Variants in GSS observed in about 807,000 individuals in gnomAD.
GSS encodes the protein glutathione synthetase.
In GSS, 34 loss-of-function variants were observed where a neutral mutation model predicts 60.4. The observed-to-expected ratio is 0.56, with a 90% confidence interval of 0.43 to 0.75. The LOEUF is 0.75. Ranked by LOEUF, GSS falls within the 30% of genes least tolerant of loss-of-function variation. The pLI, the probability that GSS is intolerant of heterozygous loss-of-function variation, is 0.00. For synonymous variants in GSS, 224 were observed against 239.0 expected (o/e 0.94, Z 0.58); for missense variants, 499 against 595.1 (o/e 0.84, Z 1.68).
Position 34,928,865 on chromosome 20 carries a change from G to A in GSS, c.1388C>T (p.Ala463Val), listed in dbSNP as rs549546640. Residue 463 changes from alanine to valine, a missense_variant, in exon 13 of 13, where the codon GCG (alanine) becomes GTG (valine). By Grantham distance (64) the Ala-to-Val change is moderately conservative. Transcript: ENST00000651619. ...AIEHADGGVA[A>V]GVAVLDNPYP... ...TGGGTTGTCCAGGACTGCCACTCCC[G>A]CTGCCACACCACCATCTGCATGCTC... The A allele has an allele frequency of 5.4e-5, 87 of 1,613,948 alleles. No homozygotes were observed. The African/African-American group carries it at 8.5e-4, about 16-fold the overall frequency.
At chr20:34,946,854 T>C (rs572004438) in intron 2 of GSS, 2 of 152,350 alleles carry the variant, frequency 1.3e-5, no homozygotes, top group South Asian at 2.1e-4. Context: ...CTTTGGACTT[T>C]ATCATAGACG....
intron 2 of GSS, among the ~76,000 whole-genome samples, chr20:34,946,960 G>T (rs1328925147): frequency 6.6e-6 from 1 of 152,200 alleles, no homozygotes; most frequent in Non-Finnish European, 1.5e-5. Flanking sequence ...GGTAAGAGAT[G>T]AAAAGAAAAT....
chr20:34,932,074 G>A lies in GSS; in HGVS notation c.894C>T (p.Ala298=). ...CCTTCTTAGTCCCAGCCAGCTGGGT[G>A]GCAATGTCTGGGCACTTGGCAGCAT... ...RSHAAKCPDI[A]TQLAGTKKVQ... is the part of the protein sequence containing the mutation. The change falls in exon 10 of 13, where the codon GCC becomes GCT. Residue 298 remains alanine (A), a synonymous_variant. Coordinates refer to ENST00000651619, the MANE Select transcript of GSS (RefSeq NM_000178.4). 1 of 1,614,036 alleles carries A rather than the reference G, an allele frequency of 6.2e-7. No homozygotes were observed. The highest frequency in any genetic ancestry group is 8.5e-7 in the Non-Finnish European group (1 of 1,179,848).
chr20:34,955,774 A>C lies in GSS; in HGVS notation c.-56T>G, dbSNP rs1046740496. On this transcript the variant is annotated 5_prime_UTR_variant, in exon 1 of 13. Transcript: ENST00000651619. ...CGGTTCTCCCGGCCCTCGCGCCGCT[A>C]CCCAGGCTCAGGGGGCGGGGCCTCG... 2 of 152,088 alleles carry C rather than the reference A, an allele frequency of 1.3e-5. No individual in the cohort carries two copies. Among genetic ancestry groups the C allele is most frequent in the Non-Finnish European group, 2.9e-5 (2 of 68,046 alleles). The allele number at this position is 152,088 out of a possible 1,614,324, so 9.4% of individuals were successfully genotyped here. A position where few individuals can be genotyped will look rare whatever the true frequency, so the allele number is the denominator to read the frequency against.
intron 8 of GSS, 92 bp from the exon 9 acceptor site, chr20:34,935,734 G>T: frequency 9.3e-7 from 1 of 1,077,250 alleles, no homozygotes; most frequent in Non-Finnish European, 1.4e-6. Context: ...AGATGAATTT[G>T]GCTTTTTCAA....
rs2081372367 is a variant in GSS, at chr20:34,928,791, T to C, written c.*37A>G. 6.2e-7 allele frequency: 1 copy of C among 1,613,212 alleles called. No individual in the cohort carries two copies. The highest frequency in any genetic ancestry group is 8.5e-7 in the Non-Finnish European group (1 of 1,179,306). ...GGAGGGCTAGGAGAGGAATGACAAA[T>C]ACAGAGGATAGAAGGTCCCGTGGCC... On this transcript the variant is annotated 3_prime_UTR_variant, in exon 13 of 13. Coordinates refer to ENST00000651619, the MANE Select transcript of GSS (RefSeq NM_000178.4).
chr20:34,946,149 T>C (rs1569015937), intron 2 of GSS, 51 bp from the exon 3 acceptor site: 1 of 1,506,536 alleles, frequency 6.6e-7, no homozygotes, highest in Admixed American at 1.8e-5. Flanking sequence ...TGTGAACGGG[T>C]TGTCTTCCTG....
At chr20:34,944,024 TG>T (rs898887335) in intron 3 of GSS, among the ~76,000 whole-genome samples, 2 of 152,088 alleles carry the variant, frequency 1.3e-5, no homozygotes, top group South Asian at 2.1e-4. Context: ...AGCAGACCAG[TG>T]GGGGGAAGCC....
intron 8 of GSS, among the ~76,000 whole-genome samples, chr20:34,936,171 A>T (rs1182498574): frequency 1.3e-5 from 2 of 152,220 alleles, no homozygotes; most frequent in African/African-American, 4.8e-5. Flanking sequence ...TTTATCTGAA[A>T]AGTAAATTAA....
intron 1 of GSS, among the ~76,000 whole-genome samples, chr20:34,953,784 T>G (rs1262714203): frequency 6.6e-6 from 1 of 151,822 alleles, no homozygotes; most frequent in Non-Finnish European, 1.5e-5. Flanking sequence ...CCCGGCTAAT[T>G]TTTTGTATTT....
intron 8 of GSS, among the ~76,000 whole-genome samples, chr20:34,936,384 C>G (rs988910476): frequency 6.6e-5 from 10 of 152,164 alleles, no homozygotes; most frequent in Non-Finnish European, 1.5e-4. Flanking sequence ...AACACAAATC[C>G]AGGCTCGAGC....
At chr20:34,940,853 C>T (rs973898021) in intron 6 of GSS, among the ~76,000 whole-genome samples, 1 of 152,196 alleles carries the variant, frequency 6.6e-6, no homozygotes, top group Non-Finnish European at 1.5e-5. Flanking sequence ...CATAAAATTT[C>T]GTAGTCAAAG....
At chr20:34,945,724 G>A (rs1456355084) in intron 3 of GSS, among the ~76,000 whole-genome samples, 3 of 152,156 alleles carry the variant, frequency 2.0e-5, no homozygotes, top group Non-Finnish European at 4.4e-5. Context: ...TTCAGATGAA[G>A]AAACCTTAGG....
chr20:34,946,104 A>T lies in GSS; in HGVS notation c.130-6T>A. ...AATGGGGCATAGCTCACCACCTGTG[A>T]TCAAGAAGAGAGAATGGGACAGGGG... is the stretch of plus-strand genomic sequence containing the variant. On this transcript the variant is annotated splice_polypyrimidine_tract_variant and splice_region_variant and intron_variant, in intron 2 of 12. Coordinates refer to ENST00000651619, the MANE Select transcript of GSS (RefSeq NM_000178.4). The T allele has an allele frequency of 6.2e-7, 1 of 1,606,950 alleles. No homozygotes were observed. Among genetic ancestry groups the T allele is most frequent in the Non-Finnish European group, 8.5e-7 (1 of 1,174,392 alleles).
At chr20:34,941,927 C>T in intron 5 of GSS, 98 bp from the exon 6 acceptor site, 1 of 774,070 alleles carries the variant, frequency 1.3e-6, no homozygotes, top group Non-Finnish European at 2.4e-6. Flanking sequence ...TGAGAATCAG[C>T]TGAGCACTAA....
chr20:34,937,020 A>T lies in GSS; in HGVS notation c.612T>A (p.Ala204=). The part of the protein sequence containing the change: ...KAWELYGSPN[A]LVLLIAQEKE... ...TCTCTTGAGCAATCAGTAGCACCAG[A>T]GCACTGGGGAAAGAGCACAGGTGGC... Residue 204 remains alanine, a synonymous_variant, in exon 7 of 13, where the codon GCT becomes GCA. Coordinates refer to ENST00000651619, the MANE Select transcript of GSS (RefSeq NM_000178.4). 6.2e-7 allele frequency: 1 copy of T among 1,612,682 alleles called. No homozygotes were observed. The highest frequency in any genetic ancestry group is 8.5e-7 in the Non-Finnish European group (1 of 1,179,056).
intron 10 of GSS, 97 bp from the exon 11 acceptor site, chr20:34,931,514 G>A: frequency 1.0e-6 from 1 of 955,968 alleles, no homozygotes; most frequent in East Asian, 2.6e-5. Flanking sequence ...CAGAGGAAGA[G>A]CAGGAGGGAG....
At chr20:34,937,120 G>C (rs2081447527) in intron 6 of GSS, 97 bp from the exon 7 acceptor site, 1 of 809,742 alleles carries the variant, frequency 1.2e-6, no homozygotes, top group African/African-American at 1.7e-5. Flanking sequence ...CCTGGAATAA[G>C]AATAAGAACA....
intron 8 of GSS, among the ~76,000 whole-genome samples, chr20:34,936,509 CTT>C (rs1421531602): frequency 6.6e-6 from 1 of 152,166 alleles, no homozygotes. Context: ...GGCAAGAAAA[CTT>C]TTGGGAACTT....
Sources: gnomAD v4.1 joint callset for allele counts (sites outside exome capture counted in the v4.1 genomes callset) on GRCh38, gnomAD v4.1.1 for gene constraint, MANE v1.5 for transcripts, NCBI Gene and HGNC (gene_info 2026-07-23, HGNC 2026-07-21) for gene names.